The following APBB2 variants were observed in gnomAD, a reference collection of about 807,000 sequenced individuals.
The protein encoded by APBB2 is amyloid beta precursor protein binding family B member 2, also known as Fe65-like 1.
In APBB2, 38 loss-of-function variants were observed where a neutral mutation model predicts 82.5. The observed-to-expected ratio is 0.46, with a 90% CI of 0.36 to 0.60. The LOEUF (loss-of-function observed/expected upper bound fraction) is 0.60, where lower values mean the gene tolerates loss of function less well. Ranked by LOEUF, APBB2 falls within the 20% of genes least tolerant of loss-of-function variation. The pLI, the probability that APBB2 is intolerant of heterozygous loss-of-function variation, is 0.00. For missense variants in APBB2, 772 were observed against 972.3 expected (o/e 0.79, Z 2.74); for synonymous variants, 341 against 368.2 (o/e 0.93, Z 0.85).
chr4:41,023,865 T>C (rs1012094018), intron 5 of APBB2, among the ~76,000 whole-genome samples: 14 of 152,122 alleles, frequency 9.2e-5, no homozygotes, highest in Admixed American at 8.5e-4. Context: ...AAGAGTCCAA[T>C]TAGCCAAGGC....
intron 12 of APBB2, among the ~76,000 whole-genome samples, chr4:40,871,257 G>T (rs141606240): frequency 2.0e-5 from 3 of 152,146 alleles, no homozygotes; most frequent in African/African-American, 4.8e-5. Context: ...CGATCCTCCC[G>T]CCTCAGACTC....
intron 1 of APBB2, among the ~76,000 whole-genome samples, chr4:41,182,561 A>G (rs1771719974): frequency 6.6e-6 from 1 of 152,246 alleles, no homozygotes; most frequent in Non-Finnish European, 1.5e-5. Flanking sequence ...TGCCTATTCA[A>G]TATCATCACA....
chr4:40,999,350 G>A (rs962087609), intron 6 of APBB2, among the ~76,000 whole-genome samples: 1 of 152,176 alleles, frequency 6.6e-6, no homozygotes, highest in South Asian at 2.1e-4. Flanking sequence ...AAATGAAGTG[G>A]GAGGACCATT....
intron 4 of APBB2, among the ~76,000 whole-genome samples, chr4:41,062,905 C>T (rs1730374615): frequency 6.6e-6 from 1 of 152,212 alleles, no homozygotes. Flanking sequence ...CACACCTCTG[C>T]AGCTCAGGGC....
chr4:40,919,651 G>A (rs6851589), intron 10 of APBB2, among the ~76,000 whole-genome samples: 44,760 of 152,038 alleles, frequency 0.29, 6,885 homozygotes, highest in East Asian at 0.52. Context: ...CCACACAGCC[G>A]CCCAAACGGC....
intron 6 of APBB2, among the ~76,000 whole-genome samples, chr4:40,978,537 A>AT (rs754037768): frequency 1.3e-5 from 2 of 152,076 alleles, no homozygotes; most frequent in African/African-American, 4.8e-5. Flanking sequence ...TTAAATTAGT[A>AT]TTTTTTTTAA....
intron 6 of APBB2, among the ~76,000 whole-genome samples, chr4:41,011,641 G>A (rs554682360): frequency 6.6e-6 from 1 of 152,250 alleles, no homozygotes; most frequent in African/African-American, 2.4e-5. Flanking sequence ...ATGTTGCCCA[G>A]GCTGGTCTCA....
intron 1 of APBB2, among the ~76,000 whole-genome samples, chr4:41,150,709 CT>C (rs1354895471): frequency 2.0e-5 from 3 of 152,164 alleles, no homozygotes; most frequent in African/African-American, 7.2e-5. Flanking sequence ...CTGAAAGAAT[CT>C]CTACAACATC....
At chr4:40,886,250 A>G (rs1420321571) in intron 12 of APBB2, among the ~76,000 whole-genome samples, 1 of 152,228 alleles carries the variant, frequency 6.6e-6, no homozygotes, top group Non-Finnish European at 1.5e-5. Flanking sequence ...AGGCCGAGGC[A>G]TGTAGAGCAC....
At chr4:40,853,300 T>C (rs911597705) in intron 12 of APBB2, among the ~76,000 whole-genome samples, 1 of 152,156 alleles carries the variant, frequency 6.6e-6, no homozygotes, top group Non-Finnish European at 1.5e-5. Context: ...GGCATTCCCC[T>C]GGTTAACCCT....
At chr4:41,118,135 G>A (rs1751662930) in intron 2 of APBB2, 1 of 152,048 alleles carries the variant, frequency 6.6e-6, no homozygotes, top group African/African-American at 2.4e-5. Context: ...GATCAGTTGA[G>A]CCTGGGAGAT....
chr4:40,883,252 G>T (rs1769196080), intron 12 of APBB2, among the ~76,000 whole-genome samples: 1 of 152,142 alleles, frequency 6.6e-6, no homozygotes, highest in Non-Finnish European at 1.5e-5. Flanking sequence ...AGCCCAAGGT[G>T]TTCAAGGCTG....
intron 15 of APBB2, among the ~76,000 whole-genome samples, chr4:40,824,808 G>C (rs1262574980): frequency 6.6e-6 from 1 of 152,072 alleles, no homozygotes; most frequent in Non-Finnish European, 1.5e-5. Flanking sequence ...ATCAATTTTA[G>C]AACAGTTTCA....
At chr4:41,138,412 ATTG>A (rs1464613237) in intron 2 of APBB2, among the ~76,000 whole-genome samples, 1 of 152,166 alleles carries the variant, frequency 6.6e-6, no homozygotes. Context: ...ACAGTATTTC[ATTG>A]TTGGGGGGAA....
intron 6 of APBB2, among the ~76,000 whole-genome samples, chr4:41,008,862 G>C (rs1807529400): frequency 6.6e-6 from 1 of 152,168 alleles, no homozygotes; most frequent in African/African-American, 2.4e-5. Flanking sequence ...ATAAGTTAAT[G>C]GATCATGAGG....
At chr4:41,138,713 T>C (rs1490252857) in intron 2 of APBB2, among the ~76,000 whole-genome samples, 1 of 152,194 alleles carries the variant, frequency 6.6e-6, no homozygotes, top group Non-Finnish European at 1.5e-5. Flanking sequence ...CATAACTTTG[T>C]ATTTCTCACA....
intron 2 of APBB2, among the ~76,000 whole-genome samples, chr4:41,118,433 T>A (rs1274827458): frequency 6.6e-6 from 1 of 152,166 alleles, no homozygotes; most frequent in Non-Finnish European, 1.5e-5. Flanking sequence ...ACCACCCATA[T>A]CATGGTATTT....
At chr4:40,923,729 T>C (rs116296628) in intron 10 of APBB2, among the ~76,000 whole-genome samples, 101 of 152,300 alleles carry the variant, frequency 6.6e-4, no homozygotes, top group African/African-American at 2.4e-3. Context: ...CATCTGCCCA[T>C]CAGAGGGCGC....
rs192966622 is a variant in APBB2 at position 41,152,432 on chromosome 4, C to G, written c.-416-9290G>C. 7.9e-3 allele frequency among the ~76,000 whole-genome samples: 1,209 copies of G among 152,138 alleles called. 4 individuals carry two copies. Among genetic ancestry groups the G allele is most frequent in the Middle Eastern group, 0.034 (10 of 294 alleles). On this transcript the variant is annotated intron_variant, in intron 1 of 17. Transcript: ENST00000508593. ...CCGCCTCCTGCGTTCACACCATTCTCCTGCCTCAGCCTCCCGAGTAGCTGG... is the reference window on the plus strand; with the variant it reads ...CCGCCTCCTGCGTTCACACCATTCTGCTGCCTCAGCCTCCCGAGTAGCTGG...
Sources: gnomAD v4.1 joint callset for allele counts (sites outside exome capture counted in the v4.1 genomes callset) on GRCh38, gnomAD v4.1.1 for gene constraint, MANE v1.5 for transcripts, NCBI Gene and HGNC (gene_info 2026-07-23, HGNC 2026-07-21) for gene names.